The following SPAG7 variants were observed in gnomAD, a reference collection of about 807,000 sequenced individuals.
SPAG7 encodes the protein sperm-associated antigen 7.
SPAG7 carries 20 observed loss-of-function variants against 30.6 expected under a neutral mutation model. The observed-to-expected ratio is 0.65, with a 90% CI of 0.46 to 0.95. The LOEUF is 0.95. Ranked by LOEUF, SPAG7 falls within the 40% of genes least tolerant of loss-of-function variation. The pLI is 0.00. For synonymous variants in SPAG7, 127 were observed against 104.2 expected (o/e 1.22, Z -1.33); for missense variants, 276 against 291.1 (o/e 0.95, Z 0.38).
intron 1 of SPAG7, among the ~76,000 whole-genome samples, 195 bp downstream of exon 1, chr17:4,967,525 G>A (rs1412203457): frequency 6.6e-6 from 1 of 151,682 alleles, no homozygotes; most frequent in South Asian, 2.1e-4. Flanking sequence ...GGAGGCTGGC[G>A]CTATCTTTCA....
chr17:4,962,548 C>T (rs1305257043), intron 1 of SPAG7, among the ~76,000 whole-genome samples: 1 of 152,258 alleles, frequency 6.6e-6, no homozygotes, highest in African/African-American at 2.4e-5. Flanking sequence ...GCTGGGACCA[C>T]AGGCGTGTGC....
At position 4,959,895 on chromosome 17, in the gene SPAG7, C is replaced by A. The variant is rs779053566; in HGVS notation, c.439G>T (p.Glu147Ter). ...ACAGGCCCCTGCTGGGCTGCCTCCTCCTCTTGCCTCTGGGCCAGCTCCTAG... is the reference window on the plus strand; with the variant it reads ...ACAGGCCCCTGCTGGGCTGCCTCCTACTCTTGCCTCTGGGCCAGCTCCTAG... ...KLKELAQRQE[E>*]EAAQQGPVVV... The change falls in exon 6 of 7, where the codon GAG becomes TAG. Residue 147 changes from glutamate to a stop codon, truncating the protein, a stop_gained. Coordinates refer to ENST00000206020, the MANE Select transcript of SPAG7 (RefSeq NM_004890.3). LOFTEE classifies it high-confidence loss of function. 1.9e-6 allele frequency: 3 copies of A among 1,613,608 alleles called. No individual in the cohort carries two copies. The highest frequency in any genetic ancestry group is 2.5e-6 in the Non-Finnish European group (3 of 1,179,996).
chr17:4,960,039 C>T lies in SPAG7; in HGVS notation c.400G>A (p.Glu134Lys). ...TAGCTCACCTTCAGCTTCCGCTTCTCCTCAGCCTTCTGGGGGTCCCATTCC... is the reference window on the plus strand; with the variant it reads ...TAGCTCACCTTCAGCTTCCGCTTCTTCTCAGCCTTCTGGGGGTCCCATTCC... ...GEEWDPQKAE[E>K]KRKLKELAQR... Residue 134 changes from glutamate (E) to lysine (K), a missense_variant, in exon 5 of 7, where the codon GAG becomes AAG. Transcript: ENST00000206020. 6.2e-7 allele frequency: 1 copy of T among 1,614,182 alleles called. No homozygotes were observed. The highest frequency in any genetic ancestry group is 1.1e-5 in the South Asian group (1 of 91,086).
Position 4,961,764 on chromosome 17 carries a change from C to CA in SPAG7, c.86-912dup, listed in dbSNP as rs762833514. 6.4e-3 allele frequency among the ~76,000 whole-genome samples: 365 copies of CA among 56,966 alleles called. 5 individuals carry two copies. The highest frequency in any genetic ancestry group is 0.014 in the East Asian group (22 of 1,600). The allele number at this position is 56,966 out of a possible 152,430, so 37.4% of individuals were successfully genotyped here. On this transcript the variant is annotated intron_variant, in intron 1 of 6. Coordinates refer to ENST00000206020, the MANE Select transcript of SPAG7 (RefSeq NM_004890.3). ...TGGGCGACACAGCAAGACTCCATCT[C>CA]AAAAAAAAAAAAAAAAAAAAGAGAT...
intron 1 of SPAG7, among the ~76,000 whole-genome samples, chr17:4,962,152 C>T (rs1971874070): frequency 6.6e-6 from 1 of 152,182 alleles, no homozygotes; most frequent in African/African-American, 2.4e-5. Flanking sequence ...TTCACTCTGT[C>T]ACCCAGGCTG....
chr17:4,966,662 G>A, intron 1 of SPAG7: 1 of 985,440 alleles, frequency 1.0e-6, no homozygotes. Flanking sequence ...CGCTCTCACA[G>A]TTATTTTTCT....
At chr17:4,961,023 C>T (rs947229136) in intron 1 of SPAG7, among the ~76,000 whole-genome samples, 170 bp from the exon 2 acceptor site, 31 of 152,212 alleles carry the variant, frequency 2.0e-4, no homozygotes, top group African/African-American at 7.2e-4. Flanking sequence ...AATAGTCCCC[C>T]TTATCCACAG....
intron 1 of SPAG7, among the ~76,000 whole-genome samples, chr17:4,964,078 AGACCAGCC>A (rs1355352254): frequency 6.6e-6 from 1 of 152,062 alleles, no homozygotes; most frequent in African/African-American, 2.4e-5. Flanking sequence ...TGGGAGTTCA[AGACCAGCC>A]TCCCAAAGTG....
chr17:4,963,183 A>G (rs1398124288), intron 1 of SPAG7, among the ~76,000 whole-genome samples: 1 of 151,972 alleles, frequency 6.6e-6, no homozygotes. Flanking sequence ...GCTTGAGGCC[A>G]GGAGCTCCAG....
intron 4 of SPAG7, 38 bp downstream of exon 4, chr17:4,960,196 A>G (rs1971838732): frequency 1.2e-6 from 2 of 1,606,492 alleles, no homozygotes; most frequent in African/African-American, 1.3e-5. Flanking sequence ...TAAGGCTACA[A>G]AGGGGAGAGG....
At position 4,959,520 on chromosome 17, in the gene SPAG7, G is replaced by A. The variant is rs767232524; in HGVS notation, c.*14C>T. 5.0e-6 allele frequency: 8 copies of A among 1,606,764 alleles called. No homozygotes were observed. Among genetic ancestry groups the A allele is most frequent in the Non-Finnish European group, 6.8e-6 (8 of 1,176,188 alleles). ...TGCCCTGCCCCAGGGGTCAAAGGGA[G>A]CTGGGCGGGGCGCCTAGGAGGTTGG... On this transcript the variant is annotated 3_prime_UTR_variant, in exon 7 of 7. Coordinates refer to ENST00000206020, the MANE Select transcript of SPAG7 (RefSeq NM_004890.3).
At position 4,959,616 on chromosome 17, in the gene SPAG7, CGT is replaced by C; in HGVS notation, c.600_601del (p.Arg201LeufsTer3). ...CTCATTCATAGCCTCTTCAATGGAGCGTGTGTCCCTCTTATTGGCCACGGGCA... is the reference window on the plus strand; with the variant it reads ...CTCATTCATAGCCTCTTCAATGGAGCGTGTCCCTCTTATTGGCCACGGGCA... On this transcript the variant is annotated frameshift_variant, in exon 7 of 7. Transcript: ENST00000206020. LOFTEE classifies it high-confidence loss of function. 2 of 1,614,104 alleles carry C rather than the reference CGT, an allele frequency of 1.2e-6. No individual in the cohort carries two copies. The highest frequency in any genetic ancestry group is 1.7e-6 in the Non-Finnish European group (2 of 1,180,012).
chr17:4,960,528 T>C lies in SPAG7; in HGVS notation c.173A>G (p.Asp58Gly). 1 of 1,604,400 alleles carries C rather than the reference T, an allele frequency of 6.2e-7. No homozygotes were observed. The highest frequency in any genetic ancestry group is 1.1e-5 in the South Asian group (1 of 89,472). ...FRKRMEKEVS[D>G]FIQDSGQIKK... is the part of the protein sequence containing the mutation. ...GATCTGCCCACTGTCTTGAATGAAA[T>C]CTGACACCTCCTTCTCCATCTTGGG... is the stretch of plus-strand genomic sequence containing the variant. The change falls in exon 3 of 7, where the codon GAT becomes GGT. Residue 58 changes from aspartate (D) to glycine (G), a missense_variant. Asp to Gly is a moderately conservative substitution (Grantham distance 94). Coordinates refer to ENST00000206020, the MANE Select transcript of SPAG7 (RefSeq NM_004890.3).
chr17:4,967,678 G>T, intron 1 of SPAG7, 42 bp downstream of exon 1: 1 of 1,479,614 alleles, frequency 6.8e-7, no homozygotes, highest in Non-Finnish European at 9.5e-7. Context: ...ATGGTCCCGA[G>T]AACCGGGCGA....
At chr17:4,960,892 A>T (rs762406458) in intron 1 of SPAG7, 39 bp from the exon 2 acceptor site, 1 of 1,590,596 alleles carries the variant, frequency 6.3e-7, no homozygotes, top group Non-Finnish European at 8.6e-7. Context: ...CAGGGCTGGA[A>T]GCATGGGTGG....
At position 4,959,418 on chromosome 17, in the gene SPAG7, C is replaced by T; in HGVS notation, c.*116G>A. Reference sequence around the variant, plus strand: ...ACCTGTTTTCCCCCAGCCTGAGGGACAGCTGGTAGGAGGTGGTTCAGAGGT... The same window carrying T: ...ACCTGTTTTCCCCCAGCCTGAGGGATAGCTGGTAGGAGGTGGTTCAGAGGT... On this transcript the variant is annotated 3_prime_UTR_variant, in exon 7 of 7. Coordinates refer to ENST00000206020, the MANE Select transcript of SPAG7 (RefSeq NM_004890.3). 1.3e-6 allele frequency: 1 copy of T among 765,974 alleles called. No homozygotes were observed. Among genetic ancestry groups the T allele is most frequent in the Non-Finnish European group, 2.2e-6 (1 of 455,106 alleles). 47.4% of individuals were successfully genotyped at this position (765,974 alleles called of 1,614,324 possible). A position where few individuals can be genotyped will look rare whatever the true frequency, so the allele number is the denominator to read the frequency against.
Position 4,959,512 on chromosome 17 carries a change from C to G in SPAG7, c.*22G>C, listed in dbSNP as rs1363259053. The G allele has an allele frequency of 2.5e-6, 4 of 1,601,190 alleles. No homozygotes were observed. In the East Asian group the frequency reaches 8.9e-5, roughly 36 times the overall value. ...CTGCCCCCTGCCCTGCCCCAGGGGT[C>G]AAAGGGAGCTGGGCGGGGCGCCTAG... On this transcript the variant is annotated 3_prime_UTR_variant, in exon 7 of 7. Transcript: ENST00000206020.
intron 2 of SPAG7, 77 bp from the exon 3 acceptor site, chr17:4,960,624 C>T: frequency 7.4e-7 from 1 of 1,357,720 alleles, no homozygotes; most frequent in Non-Finnish European, 1.0e-6. Context: ...GAGCCTGGGC[C>T]CTTCTACGCC....
rs753924067 is a variant in SPAG7 at position 4,967,692 on chromosome 17, A to C, written c.85+28T>G. ...TATGGTCCCGAGAACCGGGCGAAGG[A>C]AGGCGGTTGTGAATTTGGGATCCTC... On this transcript the variant is annotated intron_variant, in intron 1 of 6. Coordinates refer to ENST00000206020, the MANE Select transcript of SPAG7 (RefSeq NM_004890.3). The C allele has an allele frequency of 2.6e-6, 4 of 1,566,278 alleles. No homozygotes were observed. The Middle Eastern group carries it at 6.7e-4, about 261-fold the overall frequency.
Sources: gnomAD v4.1 joint callset for allele counts (sites outside exome capture counted in the v4.1 genomes callset) on GRCh38, gnomAD v4.1.1 for gene constraint, MANE v1.5 for transcripts, NCBI Gene and HGNC (gene_info 2026-07-23, HGNC 2026-07-21) for gene names.